ABCC6: variants seen among roughly 807,000 people sequenced by gnomAD.
ABCC6 encodes the protein ATP-binding cassette sub-family C member 6.
In ABCC6, 126 loss-of-function variants were observed where a neutral mutation model predicts 169.5. The observed-to-expected ratio is 0.74, with a 90% CI of 0.64 to 0.86. The LOEUF (loss-of-function observed/expected upper bound fraction) is 0.86. Ranked by LOEUF, ABCC6 falls within the 40% of genes least tolerant of loss-of-function variation. ABCC6 has a pLI of 0.00. For synonymous variants in ABCC6, 752 were observed against 814.7 expected, an observed-to-expected ratio of 0.92 and a Z score of 1.31; for missense variants, 1,733 against 1,927.2, an observed-to-expected ratio of 0.90 and a Z score of 1.89.
At position 16,177,098 on chromosome 16, in the gene ABCC6, A is replaced by G. The variant is rs112119231; in HGVS notation, c.2590+354T>C. 1.2e-3 allele frequency among the ~76,000 whole-genome samples: 181 copies of G among 152,328 alleles called. 2 individuals are homozygous for G. The highest frequency in any genetic ancestry group is 4.1e-3 in the African/African-American group (169 of 41,578). ...GCAAGCATAGACTCTGGAGCTGGAC[A>G]TACTCAAGTTCTAATCTTGTGACCT... is the stretch of plus-strand genomic sequence containing the variant. On this transcript the variant is annotated intron_variant, in intron 19 of 30. Coordinates refer to ENST00000205557, the MANE Select transcript of ABCC6 (RefSeq NM_001171.6).
intron 6 of ABCC6, among the ~76,000 whole-genome samples, chr16:16,211,257 C>T (rs889454998): frequency 6.7e-6 from 1 of 150,112 alleles, no homozygotes; most frequent in African/African-American, 2.5e-5. Flanking sequence ...CAAAATTAGC[C>T]GAGCATAGTG....
chr16:16,174,096 G>A (rs1227621576), intron 20 of ABCC6, among the ~76,000 whole-genome samples: 2 of 151,980 alleles, frequency 1.3e-5, no homozygotes, highest in African/African-American at 2.4e-5. Context: ...ACATATACAT[G>A]TCTACCTACC....
chr16:16,208,775 A>T lies in ABCC6; in HGVS notation c.747T>A (p.Val249=). The T allele has an allele frequency of 6.2e-7, 1 of 1,613,418 alleles. No individual in the cohort carries two copies. Residue 249 remains valine (V), a synonymous_variant, in exon 7 of 31, where the codon GTT becomes GTA. Coordinates refer to ENST00000205557, the MANE Select transcript of ABCC6 (RefSeq NM_001171.6). ...TCATCCACTCCTTTTCAAGCCGGGA[A>T]ACAAGTTCTTCTGAGGAGTTTTCTC... ...LGRENSSEEL[V]SRLEKEWMRN... is the part of the protein sequence containing the mutation.
At position 16,149,898 on chromosome 16, in the gene ABCC6, C is replaced by T. The variant is rs1341982239; in HGVS notation, c.*235G>A. On this transcript the variant is annotated 3_prime_UTR_variant, in exon 31 of 31. Coordinates refer to ENST00000205557, the MANE Select transcript of ABCC6 (RefSeq NM_001171.6). ...TGAGAGTCGCTGTTGACATTGGCTGCAGGGTGGACAGGGCGAGATGGGCCC... is the reference window on the plus strand; with the variant it reads ...TGAGAGTCGCTGTTGACATTGGCTGTAGGGTGGACAGGGCGAGATGGGCCC... The T allele has an allele frequency of 8.1e-6, 5 of 620,002 alleles. No individual in the cohort carries two copies. The highest frequency in any genetic ancestry group is 1.8e-5 in the African/African-American group (1 of 55,188). The allele number at this position is 620,002 out of a possible 1,614,324, so 38.4% of individuals were successfully genotyped here.
chr16:16,180,030 A>T (rs912874699), intron 17 of ABCC6, among the ~76,000 whole-genome samples: 1 of 152,216 alleles, frequency 6.6e-6, no homozygotes, highest in African/African-American at 2.4e-5. Flanking sequence ...CAGGCATTAG[A>T]TTCTCATAAG....
Position 16,212,894 on chromosome 16 carries a change from C to T in ABCC6, c.601-648G>A, listed in dbSNP as rs866904504. ...GCAAATGTTGTGAAGACAGACCTGT[C>T]GTGCGATTTTTGTCAGGTGCTCCAG... is the stretch of plus-strand genomic sequence containing the variant. On this transcript the variant is annotated intron_variant, in intron 5 of 30. Transcript: ENST00000205557. 4.6e-5 allele frequency among the ~76,000 whole-genome samples: 7 copies of T among 152,116 alleles called. No homozygotes were observed. The East Asian group carries it at 5.8e-4, about 13-fold the overall frequency.
At chr16:16,187,372 C>A (rs2047683960) in intron 13 of ABCC6, among the ~76,000 whole-genome samples, 161 bp from the exon 14 acceptor site, 1 of 152,210 alleles carries the variant, frequency 6.6e-6, no homozygotes, top group African/African-American at 2.4e-5. Context: ...AACGATGCAA[C>A]CCGAGTGGTG....
At position 16,190,493 on chromosome 16, in the gene ABCC6, C is replaced by T. The variant is rs551114367; in HGVS notation, c.1432-126G>A. On this transcript the variant is annotated intron_variant, in intron 11 of 30. Coordinates refer to ENST00000205557, the MANE Select transcript of ABCC6 (RefSeq NM_001171.6). ...AACTGCGTCCCAAACCTGTCTGCCTCTCAGCACCTCTGACCCTCACTCCTG... is the reference window on the plus strand; with the variant it reads ...AACTGCGTCCCAAACCTGTCTGCCTTTCAGCACCTCTGACCCTCACTCCTG... The T allele has an allele frequency of 4.0e-6, 4 of 991,474 alleles. No homozygotes were observed. The Admixed American group carries it at 7.9e-5, about 20-fold the overall frequency. The allele number at this position is 991,474 out of a possible 1,614,324, so 61.4% of individuals were successfully genotyped here. A position where few individuals can be genotyped will look rare whatever the true frequency, so the allele number is the denominator to read the frequency against.
rs80281814 is a variant in ABCC6, at chr16:16,174,271, G to A, written c.2667-867C>T. Among the ~76,000 whole-genome samples the A allele has an allele frequency of 7.9e-3, 1,210 of 152,214 alleles. 17 individuals carry two copies. Among genetic ancestry groups the A allele is most frequent in the African/African-American group, 0.027 (1,133 of 41,512 alleles). On this transcript the variant is annotated intron_variant, in intron 20 of 30. Coordinates refer to ENST00000205557, the MANE Select transcript of ABCC6 (RefSeq NM_001171.6). ...TTCAGCCAATCAAAGGCAACCAACC[G>A]TTCAAACCATGTTCCAATAAAGCAA...
intron 4 of ABCC6, 70 bp downstream of exon 4, chr16:16,219,483 AG>A: frequency 1.1e-5 from 12 of 1,089,298 alleles, no homozygotes; most frequent in Non-Finnish European, 1.6e-5. Flanking sequence ...TGGAAACAGG[AG>A]GAGAAAGGAA....
At chr16:16,162,322 T>C (rs2046745236) in intron 24 of ABCC6, among the ~76,000 whole-genome samples, 1 of 152,220 alleles carries the variant, frequency 6.6e-6, no homozygotes, top group Admixed American at 6.5e-5. Context: ...GGTACCAGAC[T>C]GCTTGGATTC....
chr16:16,154,755 CGAGGTTCATCCGCAGAGA>C lies in ABCC6; in HGVS notation c.4063_4080del (p.Ser1355_Leu1360del), dbSNP rs2152211980. On this transcript the variant is annotated inframe_deletion, in exon 29 of 31. Transcript: ENST00000205557. ...TCGTCCGAGTGCTCCTGCAGCAGGT[CGAGGTTCATCCGCAGAGA>C]GCCAGGGAACAGGATGGGGTCCTGG... 3.1e-6 allele frequency: 5 copies of C among 1,612,762 alleles called. No homozygotes were observed. Among genetic ancestry groups the C allele is most frequent in the Non-Finnish European group, 4.2e-6 (5 of 1,179,596 alleles).
chr16:16,154,769 A>G lies in ABCC6; in HGVS notation c.4067T>C (p.Leu1356Pro). 1 of 1,612,704 alleles carries G rather than the reference A, an allele frequency of 6.2e-7. No homozygotes were observed. Among genetic ancestry groups the G allele is most frequent in the Non-Finnish European group, 8.5e-7 (1 of 1,179,512 alleles). The change falls in exon 29 of 31, where the codon CTG becomes CCG. Residue 1356 changes from leucine (L) to proline (P), a missense_variant. Leu to Pro is a moderately conservative substitution (Grantham distance 98). Coordinates refer to ENST00000205557, the MANE Select transcript of ABCC6 (RefSeq NM_001171.6). ...CTGCAGCAGGTCGAGGTTCATCCGC[A>G]GAGAGCCAGGGAACAGGATGGGGTC... ...PQDPILFPGS[L>P]RMNLDLLQEH... is the part of the protein sequence containing the mutation.
chr16:16,194,576 G>T (rs1050912015), intron 10 of ABCC6, among the ~76,000 whole-genome samples: 7 of 152,290 alleles, frequency 4.6e-5, no homozygotes, highest in African/African-American at 1.4e-4. Context: ...GACTTTCTGA[G>T]ATTTCTGCAC....
chr16:16,195,949 C>T (rs2048023107), intron 10 of ABCC6, among the ~76,000 whole-genome samples: 2 of 152,104 alleles, frequency 1.3e-5, no homozygotes, highest in African/African-American at 4.8e-5. Flanking sequence ...GTGGCTCATG[C>T]CCGTAATCCC....
At chr16:16,172,760 T>C (rs189800681) in intron 21 of ABCC6, among the ~76,000 whole-genome samples, 124 of 152,250 alleles carry the variant, frequency 8.1e-4, no homozygotes, top group African/African-American at 2.9e-3. Context: ...TTCAGTTTCT[T>C]GGCTGGGCAC....
At chr16:16,203,681 G>A in intron 7 of ABCC6, 68 bp from the exon 8 acceptor site, 1 of 1,572,380 alleles carries the variant, frequency 6.4e-7, no homozygotes, top group Non-Finnish European at 8.7e-7. Context: ...GCAGGGCCAG[G>A]CATTAAAGGG....
chr16:16,174,759 A>ACCGC (rs200038324), intron 20 of ABCC6, among the ~76,000 whole-genome samples: 1 of 84,482 alleles, frequency 1.2e-5, no homozygotes, highest in African/African-American at 3.5e-5. Flanking sequence ...TCTGTCTCAA[A>ACCGC]ACCCCCCCCC....
chr16:16,166,025 G>A, intron 22 of ABCC6, 92 bp from the exon 23 acceptor site: 4 of 1,317,308 alleles, frequency 3.0e-6, no homozygotes, highest in Non-Finnish European at 4.2e-6. Flanking sequence ...CTACCCCATG[G>A]TGGACATCTT....
Sources: gnomAD v4.1 joint callset for allele counts (sites outside exome capture counted in the v4.1 genomes callset) on GRCh38, gnomAD v4.1.1 for gene constraint, MANE v1.5 for transcripts, NCBI Gene and HGNC (gene_info 2026-07-23, HGNC 2026-07-21) for gene names.